TMEM114: variants seen among roughly 807,000 people sequenced by gnomAD.
TMEM114 encodes the protein claudin-26.
A neutral mutation model predicts 6.2 loss-of-function variants in TMEM114; 6 were observed. The ratio of observed to expected loss-of-function variants is 0.97; its 90% CI spans 0.53 to 1.91. TMEM114 has a LOEUF of 1.91. Among genes scored for constraint, TMEM114 ranks in the 40% most tolerant of loss-of-function variants. The pLI is 0.01. For missense variants in TMEM114, 218 were observed against 158.3 expected (o/e 1.38, Z -2.02); for synonymous variants, 104 against 73.0 (o/e 1.42, Z -2.16).
intron 2 of TMEM114, among the ~76,000 whole-genome samples, chr16:8,574,582 C>CTTCCTTCCTTCTTTCTTTCT (rs140621744): frequency 1.4e-5 from 2 of 142,462 alleles, no homozygotes; most frequent in South Asian, 2.2e-4. Context: ...TCCTTCCTTC[C>CTTCCTTCCTTCTTTCTTTCT]TTCTTTCTTT....
chr16:8,571,404 G>A (rs894200621), intron 3 of TMEM114, among the ~76,000 whole-genome samples: 1 of 152,146 alleles, frequency 6.6e-6, no homozygotes, highest in African/African-American at 2.4e-5. Flanking sequence ...ATTCAACACA[G>A]GCACGGCCTC....
intron 2 of TMEM114, among the ~76,000 whole-genome samples, chr16:8,561,666 T>A (rs576646915): frequency 6.6e-6 from 1 of 152,326 alleles, no homozygotes; most frequent in East Asian, 1.9e-4. Flanking sequence ...AGTGAATGAA[T>A]GAGTGAATAA....
chr16:8,577,975 G>A (rs1212787695), intron 2 of TMEM114, among the ~76,000 whole-genome samples: 2 of 152,170 alleles, frequency 1.3e-5, no homozygotes, highest in Non-Finnish European at 2.9e-5. Context: ...CTGTCCTAGG[G>A]CCTGGGGACA....
At position 8,563,215 on chromosome 16, in the gene TMEM114, A is replaced by C. The variant is rs906966957; in HGVS notation, n.213-25389T>G. ...TGAATGAATGAGTGAATGAGTGAGC[A>C]AATAAGTAAGTGAATGAGTGAGTGA... On this transcript the variant is annotated intron_variant and non_coding_transcript_variant, in intron 2 of 2. Transcript: ENST00000623677. 5.4e-5 allele frequency among the ~76,000 whole-genome samples: 8 copies of C among 148,430 alleles called. No individual in the cohort carries two copies. In the South Asian group the frequency reaches 1.8e-3, roughly 33 times the overall value.
At chr16:8,563,800 AG>A (rs1901391812) in intron 2 of TMEM114, among the ~76,000 whole-genome samples, 1 of 139,754 alleles carries the variant, frequency 7.2e-6, no homozygotes, top group South Asian at 2.5e-4. Flanking sequence ...TAAATGAGTG[AG>A]GGAGGGAGGG....
downstream of TMEM114, among the ~76,000 whole-genome samples, chr16:8,568,956 G>A (rs1209211742): frequency 6.6e-6 from 1 of 152,234 alleles, no homozygotes; most frequent in Non-Finnish European, 1.5e-5. Context: ...CAGTGGCTCT[G>A]GGCCAGAAGC....
chr16:8,571,992 C>T lies in TMEM114; in HGVS notation c.439+95G>A, dbSNP rs902580443. On this transcript the variant is annotated intron_variant, in intron 3 of 3. Coordinates refer to ENST00000620492, the MANE Select transcript of TMEM114 (RefSeq NM_001146336.2). Reference sequence around the variant, plus strand: ...AGGGGAAACTGAACCCCACGAGGCCCTGGGATCCCCCTCGTTTGCTGAGGG... The same window carrying T: ...AGGGGAAACTGAACCCCACGAGGCCTTGGGATCCCCCTCGTTTGCTGAGGG... 7.9e-6 allele frequency: 11 copies of T among 1,395,734 alleles called. No homozygotes were observed. In the Admixed American group the frequency reaches 2.5e-4, roughly 32 times the overall value. 86.5% of individuals were successfully genotyped at this position (1,395,734 alleles called of 1,614,324 possible).
At chr16:8,587,795 A>G (rs1263490355) in intron 2 of TMEM114, among the ~76,000 whole-genome samples, 1 of 152,092 alleles carries the variant, frequency 6.6e-6, no homozygotes, top group African/African-American at 2.4e-5. Context: ...GTGAGCTAAG[A>G]CCGTGCCACT....
chr16:8,565,207 A>C (rs4580141), downstream of TMEM114, among the ~76,000 whole-genome samples: 1 of 151,924 alleles, frequency 6.6e-6, no homozygotes, highest in Non-Finnish European at 1.5e-5. Context: ...AAATGTATGA[A>C]TAAATGAATA....
chr16:8,560,680 C>G (rs1901169955), intron 2 of TMEM114, among the ~76,000 whole-genome samples: 1 of 152,158 alleles, frequency 6.6e-6, no homozygotes. Context: ...CTGTGGGCCT[C>G]AGGCTCCTGT....
In TMEM114 at chr16:8,543,186, G is replaced by A. The variant is rs1900564834; in HGVS notation, n.213-5360C>T. Among the ~76,000 whole-genome samples the A allele has an allele frequency of 1.3e-5, 2 of 152,330 alleles. 1 individual carries two copies. The highest frequency in any genetic ancestry group is 4.1e-4 in the South Asian group (2 of 4,832). ...TAGGATCAGACAGACTGACTACAGAGCAAAGCTGGGCCCCAATGGGGGACT... is the reference window on the plus strand; with the variant it reads ...TAGGATCAGACAGACTGACTACAGAACAAAGCTGGGCCCCAATGGGGGACT... On this transcript the variant is annotated intron_variant and non_coding_transcript_variant, in intron 2 of 2. Transcript: ENST00000623677.
intron 2 of TMEM114, among the ~76,000 whole-genome samples, chr16:8,581,125 A>G (rs3924627): frequency 0.34 from 51,908 of 152,040 alleles, 9,054 homozygotes; most frequent in Middle Eastern, 0.42. Context: ...TTTGTTATAT[A>G]CCCACAGAAA....
intron 2 of TMEM114, among the ~76,000 whole-genome samples, chr16:8,540,799 T>G (rs562481947): frequency 4.6e-4 from 70 of 152,254 alleles, no homozygotes; most frequent in Admixed American, 2.0e-3. Flanking sequence ...ATTTTGACAA[T>G]GACAATTGTT....
intron 2 of TMEM114, among the ~76,000 whole-genome samples, chr16:8,549,510 A>AG (rs1900777484): frequency 6.6e-6 from 1 of 151,880 alleles, no homozygotes; most frequent in African/African-American, 2.4e-5. Flanking sequence ...CGAAAAAAAA[A>AG]AAAAAAAGAA....
intron 2 of TMEM114, among the ~76,000 whole-genome samples, chr16:8,575,849 A>AG (rs1901904743): frequency 1.3e-5 from 2 of 152,218 alleles, no homozygotes; most frequent in Non-Finnish European, 2.9e-5. Flanking sequence ...GAAATCTTGT[A>AG]AACCTTTTGG....
At chr16:8,537,450 A>G (rs1486398702), downstream of TMEM114, among the ~76,000 whole-genome samples, 1 of 152,164 alleles carries the variant, frequency 6.6e-6, no homozygotes, top group African/African-American at 2.4e-5. Flanking sequence ...TCAGTGAGCC[A>G]AGACCTCACT....
At chr16:8,570,632 C>G (rs1464977578) in intron 3 of TMEM114, among the ~76,000 whole-genome samples, 3 of 152,288 alleles carry the variant, frequency 2.0e-5, no homozygotes, top group Admixed American at 6.5e-5. Context: ...AATTATTTAA[C>G]TAACATCTGT....
At chr16:8,536,437 T>C (rs903241937), downstream of TMEM114, among the ~76,000 whole-genome samples, 1 of 152,102 alleles carries the variant, frequency 6.6e-6, no homozygotes, top group Non-Finnish European at 1.5e-5. Flanking sequence ...AATGAGAAGG[T>C]TGACTTGAGT....
intron 2 of TMEM114, among the ~76,000 whole-genome samples, chr16:8,585,091 G>A (rs62018872): frequency 0.093 from 14,207 of 152,138 alleles, 805 homozygotes; most frequent in Middle Eastern, 0.18. Flanking sequence ...GCAAAGTCAC[G>A]TCTTACATGG....
Sources: allele counts gnomAD v4.1 joint callset (sites outside exome capture counted in the v4.1 genomes callset), GRCh38; gene constraint gnomAD v4.1.1; transcripts MANE v1.5; gene names NCBI Gene and HGNC (gene_info 2026-07-23, HGNC 2026-07-21).